IFNGR1: variants seen among roughly 807,000 people sequenced by gnomAD.
IFNGR1 encodes AVP, type 2.
IFNGR1 carries 23 observed loss-of-function variants against 35.4 expected under a neutral mutation model. That is an observed-to-expected ratio of 0.65 (90% CI 0.47 to 0.92). The LOEUF is 0.92. Ranked by LOEUF, IFNGR1 falls within the 40% of genes least tolerant of loss-of-function variation. IFNGR1 has a pLI of 0.00. For missense variants in IFNGR1, 533 were observed against 583.4 expected (o/e 0.91, Z 0.89); for synonymous variants, 199 against 209.5 (o/e 0.95, Z 0.43).
chr6:137,202,599 G>GTATA (rs908634038), intron 5 of IFNGR1, among the ~76,000 whole-genome samples: 1 of 86,468 alleles, frequency 1.2e-5, no homozygotes, highest in African/African-American at 5.0e-5. Flanking sequence ...AAAAATATAT[G>GTATA]TATACACACA....
Position 137,204,520 on chromosome 6 carries a change from G to A in IFNGR1, c.374-16C>T, listed in dbSNP as rs997648107. 1.5e-5 allele frequency: 24 copies of A among 1,601,406 alleles called. No homozygotes were observed. Among genetic ancestry groups the A allele is most frequent in the Non-Finnish European group, 1.7e-5 (20 of 1,168,582 alleles). On this transcript the variant is annotated splice_polypyrimidine_tract_variant and intron_variant, in intron 3 of 6. Transcript: ENST00000367739. ...CCAATTTTTCCTGGGGAAGGAGGAG[G>A]AGGAAGTATAATAAATACTGGCCTT...
At chr6:137,206,499 A>G (rs1426407591) in intron 2 of IFNGR1, 191 bp from the exon 3 acceptor site, 1 of 559,616 alleles carries the variant, frequency 1.8e-6, no homozygotes, top group African/African-American at 1.9e-5. Context: ...ACTCTGTTAC[A>G]GTAAAGAGGC....
At position 137,199,129 on chromosome 6, in the gene IFNGR1, T is replaced by C. The variant is rs567061817; in HGVS notation, c.862-490A>G. Among the ~76,000 whole-genome samples the C allele has an allele frequency of 1.5e-3, 225 of 151,844 alleles. 2 individuals are homozygous for C. Among genetic ancestry groups the C allele is most frequent in the Non-Finnish European group, 2.5e-3 (173 of 67,976 alleles). ...GCCTACATCTTTCTCCCATGCTGAA[T>C]GCTTCCTGCCCTTGAACATCGGACT... On this transcript the variant is annotated intron_variant, in intron 6 of 6. Coordinates refer to ENST00000367739, the MANE Select transcript of IFNGR1 (RefSeq NM_000416.3).
chr6:137,209,939 CATTTCTT>C (rs1779536955), intron 1 of IFNGR1: 2 of 398,530 alleles, frequency 5.0e-6, no homozygotes, highest in Non-Finnish European at 8.8e-6. Flanking sequence ...ACATACCCAA[CATTTCTT>C]CTTGCCTTCA....
In IFNGR1 at chr6:137,197,785, C is replaced by A; in HGVS notation, c.*246G>T. The stretch of plus-strand genomic sequence containing the variant: ...TGGATACTGTTCCGTTACTGGTAAC[C>A]TATCTGGATGTAAAGGTTCATAAGT... On this transcript the variant is annotated 3_prime_UTR_variant, in exon 7 of 7. Transcript: ENST00000367739. 2.3e-6 allele frequency: 1 copy of A among 441,116 alleles called. No homozygotes were observed. Among genetic ancestry groups the A allele is most frequent in the South Asian group, 2.2e-5 (1 of 45,926 alleles). The allele number at this position is 441,116 out of a possible 1,614,324, so 27.3% of individuals were successfully genotyped here. A position where few individuals can be genotyped will look rare whatever the true frequency, so the allele number is the denominator to read the frequency against.
intron 1 of IFNGR1, 34 bp from the exon 2 acceptor site, chr6:137,207,111 G>A (rs753311707): frequency 2.5e-6 from 4 of 1,611,028 alleles, no homozygotes; most frequent in Non-Finnish European, 3.4e-6. Flanking sequence ...AGGGACAATT[G>A]TAAGAAACTA....
intron 6 of IFNGR1, 52 bp from the exon 7 acceptor site, chr6:137,198,691 T>A: frequency 6.9e-7 from 1 of 1,443,528 alleles, no homozygotes. Context: ...CTTAAGTGCC[T>A]ACCCTCAAAA....
At chr6:137,211,160 G>A (rs1038243450) in intron 1 of IFNGR1, among the ~76,000 whole-genome samples, 18 of 151,852 alleles carry the variant, frequency 1.2e-4, no homozygotes, top group African/African-American at 4.1e-4. Context: ...GAGACCAAGG[G>A]TGCTGCTAAA....
intron 6 of IFNGR1, among the ~76,000 whole-genome samples, chr6:137,199,560 T>TATATATA (rs1386179147): frequency 1.5e-5 from 1 of 65,226 alleles, no homozygotes; most frequent in East Asian, 4.1e-4. Flanking sequence ...ACATATAAAA[T>TATATATA]ATATATAATA....
At chr6:137,199,345 A>C (rs1350781705) in intron 6 of IFNGR1, among the ~76,000 whole-genome samples, 1 of 130,988 alleles carries the variant, frequency 7.6e-6, no homozygotes, top group Non-Finnish European at 1.6e-5. Context: ...TATAATATAT[A>C]ATTTATAATT....
At position 137,204,385 on chromosome 6, in the gene IFNGR1, T is replaced by C; in HGVS notation, c.493A>G (p.Thr165Ala). 1 of 1,614,004 alleles carries C rather than the reference T, an allele frequency of 6.2e-7. No individual in the cohort carries two copies. The highest frequency in any genetic ancestry group is 8.5e-7 in the Non-Finnish European group (1 of 1,179,884). ...DEQEVDYDPE[T>A]TCYIRVYNVY... ...TTGTACACCCTAATGTAACAGGTAGTTTCGGGATCATAATCGACTTCCTGC... is the reference window on the plus strand; with the variant it reads ...TTGTACACCCTAATGTAACAGGTAGCTTCGGGATCATAATCGACTTCCTGC... Residue 165 changes from threonine (T) to alanine (A), a missense_variant, in exon 4 of 7, where the codon ACT (threonine) becomes GCT (alanine). Transcript: ENST00000367739.
At chr6:137,201,044 A>C (rs754439895) in intron 5 of IFNGR1, 36 bp from the exon 6 acceptor site, 1 of 1,603,736 alleles carries the variant, frequency 6.2e-7, no homozygotes, top group Non-Finnish European at 8.5e-7. Context: ...TACAATTAAG[A>C]TGGAATACTG....
intron 1 of IFNGR1, chr6:137,218,345 C>A: frequency 2.1e-6 from 1 of 486,306 alleles, no homozygotes; most frequent in South Asian, 1.5e-5. Context: ...ATCACAATTA[C>A]TCTGCACTTC....
intron 6 of IFNGR1, 27 bp from the exon 7 acceptor site, chr6:137,198,666 TA>T (rs754241801): frequency 2.5e-6 from 4 of 1,583,666 alleles, no homozygotes; most frequent in Non-Finnish European, 2.6e-6. Context: ...TGATTAAAGA[TA>T]AAAAATTGTT....
intron 1 of IFNGR1, among the ~76,000 whole-genome samples, chr6:137,207,476 C>G (rs1779465958): frequency 6.6e-6 from 1 of 152,066 alleles, no homozygotes. Context: ...GGCTGTGTCC[C>G]CACCCAAATC....
At chr6:137,218,283 A>T (rs1014359751) in intron 1 of IFNGR1, among the ~76,000 whole-genome samples, 4 of 144,300 alleles carry the variant, frequency 2.8e-5, no homozygotes, top group African/African-American at 9.9e-5. Flanking sequence ...AAATCATAAT[A>T]AAAAAAAGAA....
chr6:137,208,404 A>C (rs1444247164), intron 1 of IFNGR1, among the ~76,000 whole-genome samples: 3 of 152,200 alleles, frequency 2.0e-5, no homozygotes, highest in African/African-American at 7.2e-5. Context: ...GCCATGTCAG[A>C]GACATTCACG....
Position 137,204,372 on chromosome 6 carries a change from A to G in IFNGR1, c.506T>C (p.Ile169Thr), listed in dbSNP as rs1398756825. The G allele has an allele frequency of 6.2e-7, 1 of 1,613,826 alleles. No individual in the cohort carries two copies. Among genetic ancestry groups the G allele is most frequent in the Admixed American group, 1.7e-5 (1 of 60,022 alleles). The change falls in exon 4 of 7, where the codon ATT becomes ACT. Residue 169 changes from isoleucine (I) to threonine (T), a missense_variant. Transcript: ENST00000367739. The stretch of plus-strand genomic sequence containing the variant: ...TCTCACATACACATTGTACACCCTA[A>G]TGTAACAGGTAGTTTCGGGATCATA... ...VDYDPETTCY[I>T]RVYNVYVRMN...
Position 137,207,732 on chromosome 6 carries a change from G to A in IFNGR1, c.86-655C>T, listed in dbSNP as rs140855629. 6.3e-3 allele frequency among the ~76,000 whole-genome samples: 957 copies of A among 152,252 alleles called. 10 individuals carry two copies. Among genetic ancestry groups the A allele is most frequent in the Non-Finnish European group, 1.0e-2 (677 of 68,014 alleles). On this transcript the variant is annotated intron_variant, in intron 1 of 6. Transcript: ENST00000367739. ...GAGGCCTCTCCAACCATGTGGAACT[G>A]TAAGTTCAATTAAACATCTTTTTCT...
Sources: allele counts gnomAD v4.1 joint callset (sites outside exome capture counted in the v4.1 genomes callset), GRCh38; gene constraint gnomAD v4.1.1; transcripts MANE v1.5; gene names NCBI Gene and HGNC (gene_info 2026-07-23, HGNC 2026-07-21).